LIMD1: variants seen among roughly 807,000 people sequenced by gnomAD.
The protein encoded by LIMD1 is LIM domain-containing protein 1.
In LIMD1, 23 loss-of-function variants were observed where a neutral mutation model predicts 58.4. The observed-to-expected ratio is 0.39, with a 90% confidence interval of 0.28 to 0.56. LIMD1 has a LOEUF of 0.56. LIMD1 is among the 20% of genes least tolerant of loss of function. The pLI, the probability that LIMD1 is intolerant of heterozygous loss-of-function variation, is 0.57. For synonymous variants in LIMD1, 334 were observed against 345.5 expected (o/e 0.97, Z 0.37); for missense variants, 838 against 855.5 (o/e 0.98, Z 0.25).
At chr3:45,637,285 T>TTC (rs1335500758) in intron 2 of LIMD1, among the ~76,000 whole-genome samples, 2 of 150,916 alleles carry the variant, frequency 1.3e-5, no homozygotes, top group African/African-American at 4.9e-5. Flanking sequence ...TGTATTAATT[T>TTC]TTTTTTTTTT....
chr3:45,635,639 T>C (rs1701778386), intron 1 of LIMD1, among the ~76,000 whole-genome samples: 1 of 145,380 alleles, frequency 6.9e-6, no homozygotes, highest in African/African-American at 2.5e-5. Context: ...GGCTCACACC[T>C]GTAATCCTAG....
At position 45,649,818 on chromosome 3, in the gene LIMD1, A is replaced by G. The variant is rs183737629; in HGVS notation, c.1510+13567A>G. On this transcript the variant is annotated intron_variant, in intron 2 of 7. Coordinates refer to ENST00000273317, the MANE Select transcript of LIMD1 (RefSeq NM_014240.3). ...TTGCTGGATATAGAATTCTAGCTTG[A>G]TACTTTTTTGAGTTCCTTGAAGTTT... Among the ~76,000 whole-genome samples, 21 of 133,752 alleles carry G rather than the reference A, an allele frequency of 1.6e-4. No individual in the cohort carries two copies. The East Asian group carries it at 4.5e-3, about 29-fold the overall frequency. The allele number at this position is 133,752 out of a possible 152,430, so 87.7% of individuals were successfully genotyped here. A position where few individuals can be genotyped will look rare whatever the true frequency, so the allele number is the denominator to read the frequency against.
At chr3:45,632,819 C>T (rs766498621) in intron 1 of LIMD1, among the ~76,000 whole-genome samples, 5 of 152,200 alleles carry the variant, frequency 3.3e-5, no homozygotes, top group African/African-American at 7.2e-5. Context: ...CCACTTGGCT[C>T]GGCCTGGTCC....
At chr3:45,647,402 T>G (rs1701918402) in intron 2 of LIMD1, among the ~76,000 whole-genome samples, 1 of 152,152 alleles carries the variant, frequency 6.6e-6, no homozygotes, top group African/African-American at 2.4e-5. Flanking sequence ...TGAGTGTGGA[T>G]CCTGTGGCCA....
chr3:45,595,978 G>A lies in LIMD1; in HGVS notation c.1099G>A (p.Gly367Arg), dbSNP rs2125645830. The A allele has an allele frequency of 1.9e-6, 3 of 1,614,206 alleles. No homozygotes were observed. In the East Asian group the frequency reaches 6.7e-5, roughly 36 times the overall value. The change falls in exon 1 of 8, where the codon GGG (glycine) becomes AGG (arginine). Residue 367 changes from glycine (G) to arginine (R), a missense_variant. Gly to Arg is a moderately radical substitution (Grantham distance 125). Transcript: ENST00000273317. ...LDGSQQGAVP[G>R]LGPKPGCTDL... The stretch of plus-strand genomic sequence containing the variant: ...CGGTTCACAGCAGGGTGCGGTCCCT[G>A]GGCTGGGGCCGAAGCCTGGCTGCAC...
chr3:45,600,816 C>T (rs760515634), intron 1 of LIMD1, among the ~76,000 whole-genome samples: 6 of 152,276 alleles, frequency 3.9e-5, no homozygotes, highest in East Asian at 1.9e-4. Flanking sequence ...GTGATCCCAG[C>T]GACTCAAGAG....
intron 2 of LIMD1, among the ~76,000 whole-genome samples, chr3:45,663,601 C>A (rs923363142): frequency 2.0e-5 from 3 of 152,092 alleles, no homozygotes; most frequent in African/African-American, 7.2e-5. Context: ...CCTGGTTATT[C>A]CTAAGGTATA....
chr3:45,624,102 T>TG (rs905039529), intron 1 of LIMD1, among the ~76,000 whole-genome samples: 1 of 152,226 alleles, frequency 6.6e-6, no homozygotes, highest in African/African-American at 2.4e-5. Context: ...CAGCAACTTT[T>TG]GGCCAAGAAA....
rs1051396394 is a variant in LIMD1, at chr3:45,682,845, G to A, written c.*5786G>A. ...TGCTGCTCTGTTGAAGTCTGTATTG[G>A]TTTCCTATGGCCACTCTTAACAAAT... is the stretch of plus-strand genomic sequence containing the variant. On this transcript the variant is annotated 3_prime_UTR_variant, in exon 8 of 8. Coordinates refer to ENST00000273317, the MANE Select transcript of LIMD1 (RefSeq NM_014240.3). 6.6e-6 allele frequency: 1 copy of A among 152,264 alleles called. No homozygotes were observed. Among genetic ancestry groups the A allele is most frequent in the African/African-American group, 2.4e-5 (1 of 41,446 alleles). 9.4% of individuals were successfully genotyped at this position (152,264 alleles called of 1,614,324 possible). A position where few individuals can be genotyped will look rare whatever the true frequency, so the allele number is the denominator to read the frequency against.
chr3:45,623,418 C>T (rs901239056), intron 1 of LIMD1, among the ~76,000 whole-genome samples: 1 of 152,020 alleles, frequency 6.6e-6, no homozygotes, highest in Non-Finnish European at 1.5e-5. Context: ...GAGTGGAGGC[C>T]AGGAATCATT....
chr3:45,628,039 C>G (rs1423934723), intron 1 of LIMD1, among the ~76,000 whole-genome samples: 1 of 149,728 alleles, frequency 6.7e-6, no homozygotes, highest in Non-Finnish European at 1.5e-5. Flanking sequence ...ATATATGAAC[C>G]AAAGGTTTTC....
intron 2 of LIMD1, among the ~76,000 whole-genome samples, chr3:45,660,664 C>A (rs1303697223): frequency 6.6e-6 from 1 of 152,066 alleles, no homozygotes; most frequent in African/African-American, 2.4e-5. Flanking sequence ...GGTCCAACAG[C>A]CTCAGCCTCC....
At chr3:45,671,322 C>T (rs940686758) in intron 4 of LIMD1, among the ~76,000 whole-genome samples, 1 of 152,192 alleles carries the variant, frequency 6.6e-6, no homozygotes, top group African/African-American at 2.4e-5. Context: ...GGGGAAGGAG[C>T]TGTAACACAG....
At chr3:45,648,575 T>C (rs1701930403) in intron 2 of LIMD1, among the ~76,000 whole-genome samples, 1 of 152,236 alleles carries the variant, frequency 6.6e-6, no homozygotes, top group Non-Finnish European at 1.5e-5. Context: ...GAATGTATCA[T>C]TTCTGTTCTC....
At chr3:45,662,875 T>C (rs1458215202) in intron 2 of LIMD1, among the ~76,000 whole-genome samples, 1 of 152,040 alleles carries the variant, frequency 6.6e-6, no homozygotes, top group East Asian at 1.9e-4. Context: ...TCCCAGTTGC[T>C]TGGGAGGCTG....
chr3:45,646,078 C>A (rs1033587664), intron 2 of LIMD1, among the ~76,000 whole-genome samples: 10 of 151,916 alleles, frequency 6.6e-5, no homozygotes, highest in Non-Finnish European at 1.3e-4. Context: ...TATATGCAGT[C>A]CAGTACAGTA....
At chr3:45,600,817 G>A (rs907829494) in intron 1 of LIMD1, among the ~76,000 whole-genome samples, 11 of 152,110 alleles carry the variant, frequency 7.2e-5, no homozygotes, top group African/African-American at 1.9e-4. Flanking sequence ...TGATCCCAGC[G>A]ACTCAAGAGA....
intron 2 of LIMD1, among the ~76,000 whole-genome samples, chr3:45,645,721 C>A (rs1193288938): frequency 6.6e-6 from 1 of 152,190 alleles, no homozygotes; most frequent in African/African-American, 2.4e-5. Flanking sequence ...TGTAGGCACT[C>A]CTCAGGTTTC....
At chr3:45,614,458 C>T (rs1009852374) in intron 1 of LIMD1, among the ~76,000 whole-genome samples, 23 of 150,124 alleles carry the variant, frequency 1.5e-4, no homozygotes, top group African/African-American at 3.2e-4. Context: ...CTGTGGTTCA[C>T]GCACTTTGTA....
Sources: gnomAD v4.1 joint callset for allele counts (sites outside exome capture counted in the v4.1 genomes callset) on GRCh38, gnomAD v4.1.1 for gene constraint, MANE v1.5 for transcripts, NCBI Gene and HGNC (gene_info 2026-07-23, HGNC 2026-07-21) for gene names.